The following HLCS variants were observed in gnomAD, a reference collection of about 807,000 sequenced individuals.
HLCS encodes holocarboxylase synthetase.
HLCS carries 53 observed loss-of-function variants against 75.0 expected under a neutral mutation model. The observed-to-expected ratio is 0.71, with a 90% CI of 0.57 to 0.89. The LOEUF is 0.89. HLCS is among the 40% of genes least tolerant of loss of function. The pLI, the probability that HLCS is intolerant of heterozygous loss-of-function variation, is 0.00. For missense variants in HLCS, 966 were observed against 1,074.0 expected (o/e 0.90, Z 1.41); for synonymous variants, 431 against 428.6 (o/e 1.01, Z -0.07).
rs770795743 is a variant in HLCS at position 36,896,976 on chromosome 21, G to A, written c.1776C>T (p.Ala592=). 1 of 1,614,162 alleles carries A rather than the reference G, an allele frequency of 6.2e-7. No individual in the cohort carries two copies. Among genetic ancestry groups the A allele is most frequent in the Non-Finnish European group, 8.5e-7 (1 of 1,180,014 alleles). Residue 592 remains alanine, a synonymous_variant, in exon 6 of 11, where the codon GCC becomes GCT. Coordinates refer to ENST00000674895, the MANE Select transcript of HLCS (RefSeq NM_001352514.2). ...CTAAGTTGAAATGTTCTGATGAGAAGGCCTCCATGTTGGTCACCACAGGTA... is the reference window on the plus strand; with the variant it reads ...CTAAGTTGAAATGTTCTGATGAGAAAGCCTCCATGTTGGTCACCACAGGTA... ...SCIPVVTNME[A]FSSEHFNLEI...
chr21:36,773,075 G>T (rs1318647131), intron 6 of HLCS, among the ~76,000 whole-genome samples: 1 of 151,896 alleles, frequency 6.6e-6, no homozygotes, highest in East Asian at 1.9e-4. Flanking sequence ...TGGGTGGTAA[G>T]ATTTCAAGTG....
At chr21:36,810,757 CT>C (rs963493474) in intron 6 of HLCS, among the ~76,000 whole-genome samples, 1 of 152,166 alleles carries the variant, frequency 6.6e-6, no homozygotes, top group African/African-American at 2.4e-5. Context: ...ACCAGAGTTC[CT>C]TCTAAAAATG....
chr21:36,807,823 CAGTT>C (rs765740493), intron 6 of HLCS, among the ~76,000 whole-genome samples: 16 of 152,114 alleles, frequency 1.1e-4, no homozygotes, highest in Admixed American at 3.9e-4. Context: ...TTAAAGCAGA[CAGTT>C]AGACATTAAC....
At chr21:36,797,897 G>A (rs1160566055) in intron 6 of HLCS, among the ~76,000 whole-genome samples, 1 of 152,206 alleles carries the variant, frequency 6.6e-6, no homozygotes, top group African/African-American at 2.4e-5. Flanking sequence ...TACAGCAGTA[G>A]ACCAAGTAGG....
chr21:36,985,036 A>G (rs750171015), intron 1 of HLCS, among the ~76,000 whole-genome samples: 1 of 152,176 alleles, frequency 6.6e-6, no homozygotes, highest in Non-Finnish European at 1.5e-5. Flanking sequence ...TGCAGAAACC[A>G]TGACCCTTCA....
chr21:36,875,028 C>T (rs896449232), intron 6 of HLCS, among the ~76,000 whole-genome samples: 2 of 152,206 alleles, frequency 1.3e-5, no homozygotes, highest in African/African-American at 4.8e-5. Context: ...GTAGCCAGCA[C>T]TCCCCTCCCC....
intron 6 of HLCS, among the ~76,000 whole-genome samples, chr21:36,780,545 C>G (rs2060496705): frequency 6.6e-6 from 1 of 152,136 alleles, no homozygotes; most frequent in Admixed American, 6.5e-5. Context: ...GCTGAGCAGA[C>G]TCCATTCTGT....
chr21:36,829,742 C>A (rs74495662), intron 6 of HLCS, among the ~76,000 whole-genome samples: 7,839 of 152,230 alleles, frequency 0.051, 324 homozygotes, highest in South Asian at 0.17. Context: ...GAGATCTCCC[C>A]ACTCTATTCC....
intron 6 of HLCS, among the ~76,000 whole-genome samples, chr21:36,799,048 T>A (rs1345033339): frequency 4.7e-5 from 7 of 148,596 alleles, no homozygotes; most frequent in South Asian, 2.1e-4. Context: ...ATTTTAATCA[T>A]TTTTTCTTTT....
chr21:36,894,714 A>G (rs2835527), intron 6 of HLCS, among the ~76,000 whole-genome samples: 50,370 of 152,060 alleles, frequency 0.33, 8,643 homozygotes, highest in Middle Eastern at 0.46. Flanking sequence ...ACCCTCAGAA[A>G]GGCCAAAATA....
At chr21:36,888,480 ATATATATATATATATATT>A (rs1569149934) in intron 6 of HLCS, among the ~76,000 whole-genome samples, 33 of 92,212 alleles carry the variant, frequency 3.6e-4, no homozygotes, top group East Asian at 1.5e-3. Context: ...ATATATATAT[ATATATATATATATATATT>A]TATTTATTTA....
upstream of HLCS, among the ~76,000 whole-genome samples, chr21:36,971,502 A>G (rs1353433869): frequency 6.6e-6 from 1 of 152,140 alleles, no homozygotes; most frequent in Non-Finnish European, 1.5e-5. Flanking sequence ...TTGAGTATCA[A>G]ATTGAAATAC....
At chr21:36,871,880 A>T (rs8131323) in intron 6 of HLCS, among the ~76,000 whole-genome samples, 3 of 152,004 alleles carry the variant, frequency 2.0e-5, no homozygotes, top group African/African-American at 7.2e-5. Flanking sequence ...TACAATAAGT[A>T]TAATCATCCT....
chr21:36,940,665 T>C (rs892803850), intron 2 of HLCS, among the ~76,000 whole-genome samples: 4 of 152,170 alleles, frequency 2.6e-5, no homozygotes, highest in Non-Finnish European at 4.4e-5. Flanking sequence ...AAAGGGGTAT[T>C]CCTGCAAGAC....
At chr21:36,788,330 G>A (rs747186159) in intron 6 of HLCS, among the ~76,000 whole-genome samples, 7 of 152,160 alleles carry the variant, frequency 4.6e-5, no homozygotes, top group East Asian at 1.9e-4. Context: ...CACCAACACC[G>A]CACAGCGACC....
chr21:36,871,867 A>G (rs1161943432), intron 6 of HLCS, among the ~76,000 whole-genome samples: 1 of 152,178 alleles, frequency 6.6e-6, no homozygotes, highest in Non-Finnish European at 1.5e-5. Flanking sequence ...GCAGTGTAAT[A>G]GGTACAATAA....
chr21:36,958,157 G>A (rs185468606), intron 2 of HLCS, among the ~76,000 whole-genome samples: 1,530 of 150,774 alleles, frequency 0.01, 24 homozygotes, highest in African/African-American at 0.035. Flanking sequence ...GCAGGAGGAT[G>A]GCGTCAACCT....
chr21:36,954,799 A>T (rs911600155), intron 2 of HLCS, among the ~76,000 whole-genome samples: 2 of 152,044 alleles, frequency 1.3e-5, no homozygotes, highest in African/African-American at 2.4e-5. Flanking sequence ...GTGGTGCCTC[A>T]TGCCTGTAAT....
rs557447916 is a variant in HLCS at position 36,856,688 on chromosome 21, A to T, written c.1892+40172T>A. Among the ~76,000 whole-genome samples the T allele has an allele frequency of 9.9e-5, 15 of 151,570 alleles. No individual in the cohort carries two copies. The South Asian group carries it at 3.1e-3, about 32-fold the overall frequency. Reference sequence around the variant, plus strand: ...AACAAAAAGAAAAATAGAAGGAAGGAAAAAAAAATGAATGTCCAAATAGCA... The same window carrying T: ...AACAAAAAGAAAAATAGAAGGAAGGTAAAAAAAATGAATGTCCAAATAGCA... On this transcript the variant is annotated intron_variant, in intron 6 of 10. Transcript: ENST00000674895.
Sources: gnomAD v4.1 joint callset for allele counts (sites outside exome capture counted in the v4.1 genomes callset) on GRCh38, gnomAD v4.1.1 for gene constraint, MANE v1.5 for transcripts, NCBI Gene and HGNC (gene_info 2026-07-23, HGNC 2026-07-21) for gene names.